Variants in POGK observed in about 807,000 individuals in gnomAD.
POGK encodes pogo transposable element with KRAB domain.
A neutral mutation model predicts 54.4 loss-of-function variants in POGK; 16 were observed. The ratio of observed to expected loss-of-function variants is 0.29; its 90% CI spans 0.20 to 0.45. POGK has a LOEUF of 0.45. Ranked by LOEUF, POGK falls within the 20% of genes least tolerant of loss-of-function variation. The pLI is 1.00. For synonymous variants in POGK, 271 were observed against 302.2 expected (o/e 0.90, Z 1.07); for missense variants, 515 against 795.6 (o/e 0.65, Z 4.24).
At chr1:166,844,948 G>A (rs1339974919) in intron 2 of POGK, among the ~76,000 whole-genome samples, 1 of 152,140 alleles carries the variant, frequency 6.6e-6, no homozygotes, top group Non-Finnish European at 1.5e-5. Flanking sequence ...GAAAGGGGAG[G>A]CCCTCCAAGG....
chr1:166,843,417 C>G (rs1272892530), intron 2 of POGK, among the ~76,000 whole-genome samples: 1 of 152,206 alleles, frequency 6.6e-6, no homozygotes, highest in African/African-American at 2.4e-5. Context: ...TCTACAGCCA[C>G]CATGCTAAGG....
intron 2 of POGK, 124 bp downstream of exon 2, chr1:166,841,212 T>TC: frequency 7.5e-7 from 1 of 1,333,794 alleles, no homozygotes; most frequent in Non-Finnish European, 1.0e-6. Flanking sequence ...GTGTTTGCAT[T>TC]CCTGAGAAAA....
intron 5 of POGK, chr1:166,851,006 A>G (rs1273910536): frequency 6.6e-6 from 1 of 152,256 alleles, no homozygotes; most frequent in Non-Finnish European, 1.5e-5. Context: ...GGTGAAATGA[A>G]CAAAGAATGA....
In POGK at chr1:166,853,621, C is replaced by T. The variant is rs918514484; in HGVS notation, c.*1051C>T. On this transcript the variant is annotated 3_prime_UTR_variant, in exon 6 of 6. Transcript: ENST00000367876. ...CATTCCCACATAAGTTTGAGTGTTA[C>T]GAAAACATTCCTTTAAAGGGATCTG... 2.6e-5 allele frequency: 4 copies of T among 152,614 alleles called. No individual in the cohort carries two copies. Among genetic ancestry groups the T allele is most frequent in the Non-Finnish European group, 4.4e-5 (3 of 68,044 alleles). The allele number at this position is 152,614 out of a possible 1,614,324, so 9.5% of individuals were successfully genotyped here. A position where few individuals can be genotyped will look rare whatever the true frequency, so the allele number is the denominator to read the frequency against.
intron 2 of POGK, among the ~76,000 whole-genome samples, chr1:166,843,091 A>G (rs1444488827): frequency 6.6e-6 from 1 of 152,246 alleles, no homozygotes; most frequent in South Asian, 2.1e-4. Context: ...TAGAAAAAAT[A>G]AAAAATGTGC....
rs1339904367 is a variant in POGK, at chr1:166,849,609, C to T, written c.1030C>T (p.Arg344Cys). Residue 344 changes from arginine to cysteine, a missense_variant, in exon 5 of 6, where the codon CGC becomes TGC. This residue lies in a region of POGK where 461 missense variants were observed against 743.5 expected (regional missense o/e 0.62). Coordinates refer to ENST00000367876, the MANE Select transcript of POGK (RefSeq NM_017542.5). Reference sequence around the variant, plus strand: ...GACTGAGAAACTCGTCACTTACCAGCGCAGTGTCCTGGCTCTGCGCAGGGC... The same window carrying T: ...GACTGAGAAACTCGTCACTTACCAGTGCAGTGTCCTGGCTCTGCGCAGGGC... Reference protein sequence around the residue: ...DLTEKLVTYQRSVLALRRAHD... With the variant: ...DLTEKLVTYQCSVLALRRAHD... 1.2e-6 allele frequency: 2 copies of T among 1,614,144 alleles called. No individual in the cohort carries two copies. The highest frequency in any genetic ancestry group is 1.7e-5 in the Admixed American group (1 of 60,016).
chr1:166,848,792 A>C (rs1442674368), intron 4 of POGK, 146 bp from the exon 5 acceptor site: 2 of 1,097,876 alleles, frequency 1.8e-6, no homozygotes, highest in African/African-American at 3.2e-5. Context: ...ATGGAAAAGG[A>C]CTTAGGCAAT....
intron 2 of POGK, among the ~76,000 whole-genome samples, chr1:166,842,319 G>T (rs1382864994): frequency 6.6e-6 from 1 of 152,244 alleles, no homozygotes. Flanking sequence ...AAAGAAGGAA[G>T]TAACCAGAAG....
chr1:166,849,595 T>G lies in POGK; in HGVS notation c.1016T>G (p.Leu339Arg). 2 of 1,614,254 alleles carry G rather than the reference T, an allele frequency of 1.2e-6. No homozygotes were observed. The highest frequency in any genetic ancestry group is 1.7e-6 in the Non-Finnish European group (2 of 1,180,042). ...CTGCCGGAAGACCTGACTGAGAAAC[T>G]CGTCACTTACCAGCGCAGTGTCCTG... Reference protein sequence around the residue: ...QHLPEDLTEKLVTYQRSVLAL... With the variant: ...QHLPEDLTEKRVTYQRSVLAL... Residue 339 changes from leucine (L) to arginine (R), a missense_variant, in exon 5 of 6, where the codon CTC (leucine) becomes CGC (arginine). Physicochemically the swap from Leu to Arg is moderately radical, Grantham distance 102 (BLOSUM62 -2). This residue lies in a region of POGK where 461 missense variants were observed against 743.5 expected (regional missense o/e 0.62). Transcript: ENST00000367876.
intron 5 of POGK, chr1:166,851,877 C>T (rs1325673145): frequency 6.6e-6 from 1 of 152,170 alleles, no homozygotes; most frequent in African/African-American, 2.4e-5. Context: ...AAATGAAATG[C>T]TAATGGGAGC....
chr1:166,846,683 A>G lies in POGK; in HGVS notation c.204A>G (p.Gln68=), dbSNP rs199934831. ...DEEWEVLTEQ[Q]KALYREVMRM... ...AATGGGAAGTTTTGACGGAGCAACA[A>G]AAGGCCCTCTACCGGGAAGTCATGA... Residue 68 remains glutamine, a synonymous_variant, in exon 3 of 6, where the codon CAA becomes CAG. Transcript: ENST00000367876. 3.7e-6 allele frequency: 6 copies of G among 1,614,062 alleles called. No homozygotes were observed. Among genetic ancestry groups the G allele is most frequent in the Non-Finnish European group, 5.1e-6 (6 of 1,180,032 alleles).
rs111708608 is a variant in POGK, at chr1:166,855,149, GTTTT to G, written c.*2586_*2589del. The stretch of plus-strand genomic sequence containing the variant: ...ACACTTGTACCTCTGAACCTAAAAT[GTTTT>G]TTTTTTAATTCAGAACAACAAAAGA... On this transcript the variant is annotated 3_prime_UTR_variant, in exon 6 of 6. Transcript: ENST00000367876. 1 of 149,456 alleles carries G rather than the reference GTTTT, an allele frequency of 6.7e-6. No individual in the cohort carries two copies. 9.3% of individuals were successfully genotyped at this position (149,456 alleles called of 1,614,324 possible).
At position 166,840,942 on chromosome 1, in the gene POGK, A is replaced by T. The variant is rs762814216; in HGVS notation, c.-2-13A>T. 3 of 1,613,660 alleles carry T rather than the reference A, an allele frequency of 1.9e-6. No individual in the cohort carries two copies. The Admixed American group carries it at 5.0e-5, about 27-fold the overall frequency. On this transcript the variant is annotated splice_polypyrimidine_tract_variant and intron_variant, in intron 1 of 5. Coordinates refer to ENST00000367876, the MANE Select transcript of POGK (RefSeq NM_017542.5). ...TGACACCTGGTTTTTCTGAACCTGA[A>T]TCTTGCTTGCAGAGATGGAGTCCAC...
chr1:166,848,641 C>T (rs543182553), intron 4 of POGK, among the ~76,000 whole-genome samples: 74 of 152,314 alleles, frequency 4.9e-4, no homozygotes, highest in African/African-American at 1.8e-3. Context: ...GTTCCCAGCT[C>T]TGCCACTTTC....
At position 166,856,014 on chromosome 1, in the gene POGK, C is replaced by T. The variant is rs934491699; in HGVS notation, c.*3444C>T. On this transcript the variant is annotated 3_prime_UTR_variant, in exon 6 of 6. Transcript: ENST00000367876. The stretch of plus-strand genomic sequence containing the variant: ...AGCTATTGATTTTTTTTTAAGAAGT[C>T]TTAATCTATACATAAGAAATTACAT... The T allele has an allele frequency of 2.0e-5, 3 of 151,866 alleles. No individual in the cohort carries two copies. Among genetic ancestry groups the T allele is most frequent in the African/African-American group, 4.8e-5 (2 of 41,334 alleles). The allele number at this position is 151,866 out of a possible 1,614,324, so 9.4% of individuals were successfully genotyped here. A position where few individuals can be genotyped will look rare whatever the true frequency, so the allele number is the denominator to read the frequency against.
chr1:166,844,813 AGT>A (rs985838733), intron 2 of POGK, among the ~76,000 whole-genome samples: 23 of 152,218 alleles, frequency 1.5e-4, no homozygotes, highest in African/African-American at 4.8e-4. Context: ...GTGCCCCGGG[AGT>A]GTGGAGCCCA....
intron 2 of POGK, 93 bp from the exon 3 acceptor site, chr1:166,846,519 G>A: frequency 6.6e-7 from 1 of 1,511,542 alleles, no homozygotes; most frequent in Non-Finnish European, 9.1e-7. Context: ...GAGAGGACAG[G>A]CTGTGCTGGG....
At chr1:166,851,763 C>T (rs1036309709) in intron 5 of POGK, 1 of 152,194 alleles carries the variant, frequency 6.6e-6, no homozygotes, top group African/African-American at 2.4e-5. Flanking sequence ...AGGAAGAAGC[C>T]ACCTTTTTTA....
In POGK at chr1:166,854,733, A is replaced by G. The variant is rs188724944; in HGVS notation, c.*2163A>G. ...CTCTCAGCAGTGGTACATTACCAAA[A>G]TCACATGAAAGAAATCCCATAAAGG... On this transcript the variant is annotated 3_prime_UTR_variant, in exon 6 of 6. Transcript: ENST00000367876. 1 of 152,370 alleles carries G rather than the reference A, an allele frequency of 6.6e-6. No homozygotes were observed. The highest frequency in any genetic ancestry group is 6.5e-5 in the Admixed American group (1 of 15,306). 9.4% of individuals were successfully genotyped at this position (152,370 alleles called of 1,614,324 possible). A position where few individuals can be genotyped will look rare whatever the true frequency, so the allele number is the denominator to read the frequency against.
Sources: gnomAD v4.1 joint callset for allele counts (sites outside exome capture counted in the v4.1 genomes callset) on GRCh38, gnomAD v4.1.1 for gene constraint, gnomAD v4.1.1 regional missense constraint, MANE v1.5 for transcripts, NCBI Gene and HGNC (gene_info 2026-07-23, HGNC 2026-07-21) for gene names.